PELI2: variants seen among roughly 807,000 people sequenced by gnomAD.
The protein encoded by PELI2 is pellino E3 ubiquitin protein ligase family member 2.
A neutral mutation model predicts 42.3 loss-of-function variants in PELI2; 23 were observed. The ratio of observed to expected loss-of-function variants is 0.54; its 90% CI spans 0.39 to 0.77. PELI2 has a LOEUF of 0.77. Among genes scored for constraint, PELI2 ranks in the 30% least tolerant of loss-of-function variants. The probability of loss-of-function intolerance (pLI) is 0.00; values close to 1 mark genes in which losing one functional copy is unlikely to be tolerated. For missense variants in PELI2, 463 were observed against 553.2 expected (o/e 0.84, Z 1.64); for synonymous variants, 245 against 212.2 (o/e 1.15, Z -1.34).
chr14:56,128,134 A>G lies in PELI2; in HGVS notation c.77+9397A>G, dbSNP rs1178521969. Among the ~76,000 whole-genome samples the G allele has an allele frequency of 2.0e-5, 3 of 152,324 alleles. No individual in the cohort carries two copies. The East Asian group carries it at 5.8e-4, about 29-fold the overall frequency. The stretch of plus-strand genomic sequence containing the variant: ...TAAGCACTATCTAAACATACACACT[A>G]AACACTGATCATTCAGTTTGTGTTA... On this transcript the variant is annotated intron_variant, in intron 1 of 5. Transcript: ENST00000267460.
At chr14:56,242,921 G>A (rs771024406) in intron 2 of PELI2, among the ~76,000 whole-genome samples, 50 of 152,180 alleles carry the variant, frequency 3.3e-4, no homozygotes, top group Middle Eastern at 3.4e-3. Flanking sequence ...CCAGGTGATG[G>A]GTGCACCACA....
intron 1 of PELI2, among the ~76,000 whole-genome samples, chr14:56,149,131 T>A (rs1184393695): frequency 6.6e-6 from 1 of 152,198 alleles, no homozygotes; most frequent in Non-Finnish European, 1.5e-5. Flanking sequence ...AGGGTTTAAA[T>A]CTTTTTGGCT....
intron 2 of PELI2, among the ~76,000 whole-genome samples, chr14:56,247,630 G>A (rs990813357): frequency 5.3e-5 from 8 of 152,090 alleles, no homozygotes; most frequent in African/African-American, 1.4e-4. Context: ...ACCTACTTTC[G>A]TTAACATCTT....
At chr14:56,282,599 T>C (rs1292426622) in intron 3 of PELI2, among the ~76,000 whole-genome samples, 1 of 151,904 alleles carries the variant, frequency 6.6e-6, no homozygotes, top group East Asian at 1.9e-4. Context: ...CTAAATAATC[T>C]TAGATAAAAT....
At chr14:56,120,535 C>T (rs1169140065) in intron 1 of PELI2, among the ~76,000 whole-genome samples, 2 of 152,130 alleles carry the variant, frequency 1.3e-5, no homozygotes, top group East Asian at 3.9e-4. Context: ...ATGGTCTGCC[C>T]TTTGCTAATG....
At chr14:56,119,730 G>C (rs1470647138) in intron 1 of PELI2, 1 of 970,280 alleles carries the variant, frequency 1.0e-6, no homozygotes, top group Non-Finnish European at 1.2e-6. Flanking sequence ...CAGGAAACTG[G>C]GGGGAAGGAA....
intron 1 of PELI2, among the ~76,000 whole-genome samples, chr14:56,172,239 T>A (rs1422322661): frequency 6.6e-6 from 1 of 152,168 alleles, no homozygotes; most frequent in African/African-American, 2.4e-5. Context: ...GTCTGGAGTG[T>A]CCATGATGGC....
intron 2 of PELI2, among the ~76,000 whole-genome samples, chr14:56,256,307 A>G (rs1361824010): frequency 2.0e-5 from 3 of 152,070 alleles, no homozygotes; most frequent in Non-Finnish European, 4.4e-5. Flanking sequence ...ATGGTGGTGC[A>G]CACTTGTAGT....
At chr14:56,205,430 T>G (rs1262670968) in intron 2 of PELI2, among the ~76,000 whole-genome samples, 1 of 151,988 alleles carries the variant, frequency 6.6e-6, no homozygotes, top group Non-Finnish European at 1.5e-5. Flanking sequence ...AGATTGAAAA[T>G]TCAGCAGGGA....
chr14:56,146,228 A>G (rs1812203325), intron 1 of PELI2, among the ~76,000 whole-genome samples: 1 of 152,136 alleles, frequency 6.6e-6, no homozygotes, highest in Admixed American at 6.5e-5. Flanking sequence ...GTTGCCCCAA[A>G]TGCATCATCT....
intron 3 of PELI2, among the ~76,000 whole-genome samples, chr14:56,286,740 G>T (rs1017960021): frequency 6.6e-6 from 1 of 151,452 alleles, no homozygotes; most frequent in Non-Finnish European, 1.5e-5. Flanking sequence ...TTTTTTTGTT[G>T]TTTTTTTTGT....
intron 3 of PELI2, among the ~76,000 whole-genome samples, chr14:56,282,666 G>C (rs190504163): frequency 3.2e-4 from 49 of 151,948 alleles, no homozygotes; most frequent in African/African-American, 1.1e-3. Flanking sequence ...TCAAAAATAA[G>C]ATTTATCATG....
chr14:56,118,758 T>C (rs952222573), intron 1 of PELI2, 21 bp downstream of exon 1: 23 of 1,456,276 alleles, frequency 1.6e-5, no homozygotes, highest in South Asian at 1.0e-4. Flanking sequence ...GGGTCCCTGG[T>C]CCCGGGCAGC....
intron 2 of PELI2, among the ~76,000 whole-genome samples, chr14:56,207,592 A>G (rs916180016): frequency 6.6e-5 from 10 of 152,228 alleles, no homozygotes; most frequent in African/African-American, 2.2e-4. Flanking sequence ...CATAGTGTGG[A>G]TAAAGCACAA....
At chr14:56,168,695 A>T (rs927416353) in intron 1 of PELI2, among the ~76,000 whole-genome samples, 1 of 151,998 alleles carries the variant, frequency 6.6e-6, no homozygotes, top group African/African-American at 2.4e-5. Flanking sequence ...GTAAGGTGCA[A>T]GACAAAGTGC....
intron 1 of PELI2, among the ~76,000 whole-genome samples, chr14:56,151,582 C>T (rs978809912): frequency 3.3e-5 from 5 of 152,190 alleles, no homozygotes; most frequent in South Asian, 4.1e-4. Context: ...TCTGCTGCTG[C>T]GTAGCTCCGT....
At chr14:56,286,088 A>C (rs1889635527) in intron 3 of PELI2, among the ~76,000 whole-genome samples, 1 of 152,206 alleles carries the variant, frequency 6.6e-6, no homozygotes, top group African/African-American at 2.4e-5. Flanking sequence ...TAAAACAACA[A>C]CAGCAACTAT....
At position 56,230,403 on chromosome 14, in the gene PELI2, C is replaced by T. The variant is rs570719789; in HGVS notation, c.208-49273C>T. 9.8e-5 allele frequency among the ~76,000 whole-genome samples: 15 copies of T among 152,286 alleles called. No homozygotes were observed. In the East Asian group the frequency reaches 1.9e-3, roughly 20 times the overall value. On this transcript the variant is annotated intron_variant, in intron 2 of 5. Transcript: ENST00000267460. ...CCCATCAGACTAACAGCAGATCTCT[C>T]GGCAGAAACCCTACAAGCCAGAAGA...
At chr14:56,178,281 G>A in intron 1 of PELI2, 54 bp from the exon 2 acceptor site, 1 of 1,594,574 alleles carries the variant, frequency 6.3e-7, no homozygotes, top group South Asian at 1.1e-5. Context: ...TAACTTTTAT[G>A]TTTAAAGCTT....
Sources: allele counts gnomAD v4.1 joint callset (sites outside exome capture counted in the v4.1 genomes callset), GRCh38; gene constraint gnomAD v4.1.1; transcripts MANE v1.5; gene names NCBI Gene and HGNC (gene_info 2026-07-23, HGNC 2026-07-21).